Variants in ZGRF1 observed in about 807,000 individuals in gnomAD.
The protein encoded by ZGRF1 is 5'-3' DNA helicase ZGRF1.
Under a neutral mutation model 203.5 loss-of-function variants are expected in ZGRF1, and 196 were observed. The ratio of observed to expected loss-of-function variants is 0.96; its 90% CI spans 0.86 to 1.08. ZGRF1 has a LOEUF of 1.08. Among genes scored for constraint, ZGRF1 ranks in the 50% least tolerant of loss-of-function variants. ZGRF1 has a pLI of 0.00. For missense variants in ZGRF1, 2,326 were observed against 2,416.3 expected (o/e 0.96, Z 0.78); for synonymous variants, 809 against 841.3 (o/e 0.96, Z 0.66).
At position 112,560,727 on chromosome 4, in the gene ZGRF1, T is replaced by C. The variant is rs376827905; in HGVS notation, c.4960+6A>G. 5 of 1,562,590 alleles carry C rather than the reference T, an allele frequency of 3.2e-6. No homozygotes were observed. The African/African-American group carries it at 6.8e-5, about 21-fold the overall frequency. On this transcript the variant is annotated splice_donor_region_variant and intron_variant, in intron 19 of 27. Coordinates refer to ENST00000505019, the MANE Select transcript of ZGRF1 (RefSeq NM_018392.5). ...AATTACAATTATTTTCTTTCTTGCT[T>C]CTTACCATGTATGATTGTGATAGGG...
Position 112,540,029 on chromosome 4 carries a change from C to T in ZGRF1, c.6006G>A (p.Glu2002=). ...TCCTTACACAGGACAGAATAATGATCTCCTTTTCAGCTCCCTGAAAAGCAT... is the reference window on the plus strand; with the variant it reads ...TCCTTACACAGGACAGAATAATGATTTCCTTTTCAGCTCCCTGAAAAGCAT... ...TVDAFQGAEK[E]IIILSCVRTR... Residue 2002 remains glutamate, a synonymous_variant, in exon 27 of 28, where the codon GAG becomes GAA. Transcript: ENST00000505019. 1 of 1,612,102 alleles carries T rather than the reference C, an allele frequency of 6.2e-7. No homozygotes were observed. Among genetic ancestry groups the T allele is most frequent in the Non-Finnish European group, 8.5e-7 (1 of 1,178,822 alleles).
At chr4:112,629,829 G>T in intron 3 of ZGRF1, 1 of 182,876 alleles carries the variant, frequency 5.5e-6, no homozygotes, top group South Asian at 6.9e-5. Context: ...GACCAGCCTG[G>T]CCAACATGGT....
intron 22 of ZGRF1, among the ~76,000 whole-genome samples, chr4:112,550,569 T>C (rs1027072497): frequency 6.6e-6 from 1 of 152,000 alleles, no homozygotes; most frequent in East Asian, 1.9e-4. Context: ...AAGTCTACAG[T>C]AGGCCGGGCG....
intron 6 of ZGRF1, among the ~76,000 whole-genome samples, chr4:112,613,104 G>A (rs1380528140): frequency 2.6e-5 from 4 of 152,152 alleles, no homozygotes; most frequent in Admixed American, 1.3e-4. Context: ...GACCAGCCTG[G>A]CCAACATGCT....
At chr4:112,551,092 T>C (rs896995442) in intron 22 of ZGRF1, among the ~76,000 whole-genome samples, 1 of 152,204 alleles carries the variant, frequency 6.6e-6, no homozygotes, top group African/African-American at 2.4e-5. Context: ...TCCCTCCCTA[T>C]ACAGGTGTAC....
intron 24 of ZGRF1, among the ~76,000 whole-genome samples, chr4:112,547,047 A>G (rs1738937884): frequency 6.6e-6 from 1 of 152,208 alleles, no homozygotes; most frequent in Admixed American, 6.5e-5. Context: ...GTTTTAGAGC[A>G]AAAGTTATAT....
intron 8 of ZGRF1, among the ~76,000 whole-genome samples, chr4:112,609,057 ATT>A (rs1043539020): frequency 2.1e-5 from 3 of 145,756 alleles, no homozygotes; most frequent in Admixed American, 6.9e-5. Context: ...TAATTGGCTA[ATT>A]TTTTTTTTTT....
chr4:112,618,331 A>C lies in ZGRF1; in HGVS notation c.1711T>G (p.Cys571Gly), dbSNP rs139269532. 1.0e-4 allele frequency: 167 copies of C among 1,613,784 alleles called. 1 individual carries two copies. The highest frequency in any genetic ancestry group is 1.4e-4 in the Non-Finnish European group (160 of 1,179,940). The change falls in exon 6 of 28, where the codon TGT becomes GGT. Residue 571 changes from cysteine (C) to glycine (G), a missense_variant. Transcript: ENST00000505019. ...GTATTCTCAGACCTCTTTTGAAAAC[A>C]TGAATTGCCATCATTAACCAAAATG... Reference protein sequence around the residue: ...KDILVNDGNSCFQKRSENTNC... With the variant: ...KDILVNDGNSGFQKRSENTNC...
At chr4:112,595,084 A>G (rs1198936487) in intron 10 of ZGRF1, among the ~76,000 whole-genome samples, 1 of 152,062 alleles carries the variant, frequency 6.6e-6, no homozygotes, top group Admixed American at 6.5e-5. Context: ...TCTACTAAAA[A>G]TATAAAATTC....
intron 20 of ZGRF1, among the ~76,000 whole-genome samples, chr4:112,556,723 ACTGAAT>A (rs1412098454): frequency 2.0e-5 from 3 of 152,154 alleles, no homozygotes; most frequent in Admixed American, 6.5e-5. Flanking sequence ...AACACATACT[ACTGAAT>A]CTCAAATTTG....
intron 14 of ZGRF1, among the ~76,000 whole-genome samples, chr4:112,584,753 C>T (rs1023518633): frequency 2.0e-5 from 3 of 152,128 alleles, no homozygotes. Flanking sequence ...AATTTAAATC[C>T]AAATTTACAC....
Position 112,589,729 on chromosome 4 carries a change from A to C in ZGRF1, c.3122T>G (p.Leu1041Trp). The C allele has an allele frequency of 6.2e-7, 1 of 1,613,880 alleles. No individual in the cohort carries two copies. Among genetic ancestry groups the C allele is most frequent in the Non-Finnish European group, 8.5e-7 (1 of 1,179,822 alleles). The change falls in exon 11 of 28, where the codon TTG becomes TGG. Residue 1041 changes from leucine to tryptophan, a missense_variant. Physicochemically the swap from Leu to Trp is moderately conservative, Grantham distance 61 (BLOSUM62 -2). Coordinates refer to ENST00000505019, the MANE Select transcript of ZGRF1 (RefSeq NM_018392.5). ...AGCAATGTGGTAACGACTACCCTCCAAGTTGAGAAAATGAAGATCATCAGG... is the reference window on the plus strand; with the variant it reads ...AGCAATGTGGTAACGACTACCCTCCCAGTTGAGAAAATGAAGATCATCAGG... ...TLPDDLHFLN[L>W]EGMKKSRSLE...
At chr4:112,581,894 T>A (rs1483447663) in intron 15 of ZGRF1, 92 bp from the exon 16 acceptor site, 2 of 571,326 alleles carry the variant, frequency 3.5e-6, no homozygotes, top group African/African-American at 3.9e-5. Flanking sequence ...AGAACCAGGG[T>A]TTCATATGTT....
At chr4:112,567,606 A>G (rs528839259) in intron 16 of ZGRF1, among the ~76,000 whole-genome samples, 1 of 152,268 alleles carries the variant, frequency 6.6e-6, no homozygotes, top group South Asian at 2.1e-4. Flanking sequence ...GCCTCATCTC[A>G]ATAAATAAAT....
At chr4:112,627,219 T>C (rs1487532881) in intron 3 of ZGRF1, among the ~76,000 whole-genome samples, 1 of 152,198 alleles carries the variant, frequency 6.6e-6, no homozygotes, top group Non-Finnish European at 1.5e-5. Flanking sequence ...AACCTAAAAG[T>C]CATTCTGGAT....
At chr4:112,559,246 T>C (rs751998276) in intron 19 of ZGRF1, among the ~76,000 whole-genome samples, 1 of 152,216 alleles carries the variant, frequency 6.6e-6, no homozygotes, top group Non-Finnish European at 1.5e-5. Flanking sequence ...TTGCCCAGGC[T>C]GGAGTGCAGT....
At chr4:112,558,066 A>C in intron 20 of ZGRF1, 84 bp downstream of exon 20, 1 of 1,096,312 alleles carries the variant, frequency 9.1e-7, no homozygotes, top group East Asian at 2.6e-5. Context: ...GCAAGAGTAC[A>C]TGGACACTCA....
chr4:112,570,356 A>G (rs1743979232), intron 16 of ZGRF1, among the ~76,000 whole-genome samples: 1 of 152,206 alleles, frequency 6.6e-6, no homozygotes, highest in Non-Finnish European at 1.5e-5. Context: ...TGGGAGGCTG[A>G]AGAGGGCAGA....
intron 16 of ZGRF1, among the ~76,000 whole-genome samples, chr4:112,571,495 T>C (rs1319941730): frequency 6.6e-6 from 1 of 152,172 alleles, no homozygotes; most frequent in Admixed American, 6.5e-5. Context: ...TATTATAAGA[T>C]GTTACAAACA....
Sources: allele counts gnomAD v4.1 joint callset (sites outside exome capture counted in the v4.1 genomes callset), GRCh38; gene constraint gnomAD v4.1.1; transcripts MANE v1.5; gene names NCBI Gene and HGNC (gene_info 2026-07-23, HGNC 2026-07-21).